Variants in GRIN2B observed in about 807,000 individuals in gnomAD.
GRIN2B encodes glutamate receptor ionotropic, NMDA 2B.
GRIN2B carries 5 observed loss-of-function variants against 114.5 expected under a neutral mutation model. The observed-to-expected ratio is 0.04, with a 90% CI of 0.02 to 0.09. The LOEUF is 0.09. Ranked by LOEUF, GRIN2B falls within the 10% of genes least tolerant of loss-of-function variation. The pLI is 1.00. For synonymous variants in GRIN2B, 787 were observed against 745.1 expected (o/e 1.06, Z -0.92); for missense variants, 1,108 against 1,943.5 (o/e 0.57, Z 8.08).
At chr12:13,652,781 G>T (rs1256261638) in intron 5 of GRIN2B, among the ~76,000 whole-genome samples, 3 of 152,130 alleles carry the variant, frequency 2.0e-5, no homozygotes, top group Non-Finnish European at 4.4e-5. Flanking sequence ...TCTGAAGAAA[G>T]CTGCTCTAGA....
At chr12:13,942,330 G>GAA (rs142065205) in intron 2 of GRIN2B, among the ~76,000 whole-genome samples, 1 of 151,612 alleles carries the variant, frequency 6.6e-6, no homozygotes, top group Non-Finnish European at 1.5e-5. Context: ...CTGGGTCTGA[G>GAA]AAAAAACCCT....
chr12:13,550,054 T>C lies in GRIN2B; in HGVS notation c.*12729A>G, dbSNP rs1948391178. ...AGTTTTGGTTCAGCCAAGTTTTGGT[T>C]CTGTCAAGAATTTTCTGTATAATCT... On this transcript the variant is annotated 3_prime_UTR_variant, in exon 14 of 14. Transcript: ENST00000609686. The C allele has an allele frequency of 6.6e-6, 1 of 152,196 alleles. No homozygotes were observed. Among genetic ancestry groups the C allele is most frequent in the African/African-American group, 2.4e-5 (1 of 41,450 alleles). The allele number at this position is 152,196 out of a possible 1,614,324, so 9.4% of individuals were successfully genotyped here.
intron 2 of GRIN2B, among the ~76,000 whole-genome samples, chr12:13,956,737 C>T (rs766831): frequency 0.043 from 6,483 of 152,222 alleles, 198 homozygotes; most frequent in South Asian, 0.071. Flanking sequence ...AACATATTCA[C>T]GGCAATGAAG....
rs760989132 is a variant in GRIN2B at position 13,753,855 on chromosome 12, G to A, written c.472C>T (p.Leu158Phe). 1 of 1,613,734 alleles carries A rather than the reference G, an allele frequency of 6.2e-7. No homozygotes were observed. The highest frequency in any genetic ancestry group is 1.1e-5 in the South Asian group (1 of 91,030). ...CAGTCATATTCTTCCATGATGTTGAGCATTACGGAAGCTTGCTGTTCAATT... is the reference window on the plus strand; with the variant it reads ...CAGTCATATTCTTCCATGATGTTGAACATTACGGAAGCTTGCTGTTCAATT... Reference protein sequence around the residue: ...PSIEQQASVMLNIMEEYDWYI... With the variant: ...PSIEQQASVMFNIMEEYDWYI... Residue 158 changes from leucine to phenylalanine, a missense_variant, in exon 4 of 14, where the codon CTC becomes TTC. Physicochemically the swap from Leu to Phe is conservative, Grantham distance 22 (BLOSUM62 0). Transcript: ENST00000609686. The surrounding 1 kb of genome is among the most constrained non-coding windows in gnomAD (Gnocchi z 6.2).
At chr12:13,816,489 C>T (rs1389711412) in intron 3 of GRIN2B, among the ~76,000 whole-genome samples, 1 of 152,072 alleles carries the variant, frequency 6.6e-6, no homozygotes, top group Non-Finnish European at 1.5e-5. Flanking sequence ...GATAAAGTCA[C>T]AGTTTGGATA....
In GRIN2B at chr12:13,739,366, C is replaced by T. The variant is rs1431055643; in HGVS notation, c.1010+13951G>A. On this transcript the variant is annotated intron_variant, in intron 4 of 13. Coordinates refer to ENST00000609686, the MANE Select transcript of GRIN2B (RefSeq NM_000834.5). ...TCCAGCCTGGGCAACAAGAGTGAAA[C>T]TCCGTCTCAAAAAAAAAAAAAAAAA... 7.5e-5 allele frequency among the ~76,000 whole-genome samples: 5 copies of T among 66,226 alleles called. No individual in the cohort carries two copies. The East Asian group carries it at 3.2e-3, about 42-fold the overall frequency. The allele number at this position is 66,226 out of a possible 152,430, so 43.4% of individuals were successfully genotyped here.
chr12:13,724,170 T>C (rs1210205584), intron 4 of GRIN2B, among the ~76,000 whole-genome samples: 1 of 152,144 alleles, frequency 6.6e-6, no homozygotes, highest in Non-Finnish European at 1.5e-5. Flanking sequence ...CTGTCCTCAA[T>C]ATGTGACCCC....
At chr12:13,956,712 T>G (rs1206483577) in intron 2 of GRIN2B, among the ~76,000 whole-genome samples, 1 of 152,144 alleles carries the variant, frequency 6.6e-6, no homozygotes, top group Non-Finnish European at 1.5e-5. Flanking sequence ...AGAACAAAAC[T>G]TCCATTTCCC....
At chr12:13,629,384 T>C (rs1373365554) in intron 5 of GRIN2B, among the ~76,000 whole-genome samples, 1 of 152,126 alleles carries the variant, frequency 6.6e-6, no homozygotes, top group Non-Finnish European at 1.5e-5. Flanking sequence ...TACCTTGACT[T>C]CCATTCACAG....
Position 13,841,874 on chromosome 12 carries a change from T to TA in GRIN2B, c.411+23923dup, listed in dbSNP as rs564455659. On this transcript the variant is annotated intron_variant, in intron 3 of 13. Transcript: ENST00000609686. ...GTAGTTTCCATATCCTTTGTTTTTTTAAAAAAAATATGGTATAGGACTATT... is the reference window on the plus strand; with the variant it reads ...GTAGTTTCCATATCCTTTGTTTTTTTAAAAAAAAATATGGTATAGGACTATT... Among the ~76,000 whole-genome samples, 593 of 152,144 alleles carry TA rather than the reference T, an allele frequency of 3.9e-3. 5 individuals carry two copies. The highest frequency in any genetic ancestry group is 0.013 in the African/African-American group (528 of 41,514).
chr12:13,634,648 A>T (rs2136500821), intron 5 of GRIN2B, among the ~76,000 whole-genome samples: 2 of 152,312 alleles, frequency 1.3e-5, no homozygotes, highest in Admixed American at 1.3e-4. Context: ...CCTCACCATA[A>T]ATGGGAAATA....
intron 5 of GRIN2B, among the ~76,000 whole-genome samples, chr12:13,621,615 T>TG (rs1279830523): frequency 0.14 from 8,798 of 62,262 alleles, 890 homozygotes; most frequent in East Asian, 0.3. Flanking sequence ...TAGTTTTTGT[T>TG]TTTTTTTTTT....
At chr12:13,756,174 C>G (rs538772954) in intron 3 of GRIN2B, among the ~76,000 whole-genome samples, 1 of 152,206 alleles carries the variant, frequency 6.6e-6, no homozygotes, top group South Asian at 2.1e-4. Context: ...CACCACCATG[C>G]CAGGCTAATT....
intron 3 of GRIN2B, among the ~76,000 whole-genome samples, chr12:13,792,756 G>A (rs1050578759): frequency 3.6e-5 from 3 of 84,360 alleles, no homozygotes; most frequent in Non-Finnish European, 7.2e-5. Context: ...CACATATAGT[G>A]GTCCCCACTG....
chr12:13,970,890 AT>A (rs1054764841), intron 2 of GRIN2B, among the ~76,000 whole-genome samples: 1 of 152,218 alleles, frequency 6.6e-6, no homozygotes, highest in African/African-American at 2.4e-5. Flanking sequence ...ACAAAATCAA[AT>A]AAAAACTGAA....
chr12:13,627,682 G>A (rs780517780), intron 5 of GRIN2B, among the ~76,000 whole-genome samples: 6 of 152,212 alleles, frequency 3.9e-5, no homozygotes, highest in Non-Finnish European at 8.8e-5. Context: ...AGGGCCAATC[G>A]GCTAGAGTTC....
intron 3 of GRIN2B, among the ~76,000 whole-genome samples, chr12:13,843,111 GAAA>G (rs370233559): frequency 6.4e-5 from 7 of 109,682 alleles, no homozygotes; most frequent in African/African-American, 2.6e-4. Context: ...CTACACTGGG[GAAA>G]AAAAAAAAAA....
chr12:13,649,509 T>TTA (rs1949795431), intron 5 of GRIN2B, among the ~76,000 whole-genome samples: 2 of 152,128 alleles, frequency 1.3e-5, no homozygotes, highest in East Asian at 3.9e-4. Flanking sequence ...CTTTTTTTAC[T>TTA]ACAGGAATCT....
chr12:13,647,937 T>C (rs563528347), intron 5 of GRIN2B, among the ~76,000 whole-genome samples: 1 of 152,230 alleles, frequency 6.6e-6, no homozygotes, highest in East Asian at 1.9e-4. Flanking sequence ...GTGGGATGAC[T>C]TTGAGCTTGA....
Sources: allele counts gnomAD v4.1 joint callset (sites outside exome capture counted in the v4.1 genomes callset), GRCh38; gene constraint gnomAD v4.1.1; non-coding constraint Gnocchi (gnomAD v3.1); transcripts MANE v1.5; gene names NCBI Gene and HGNC (gene_info 2026-07-23, HGNC 2026-07-21).